Variants in RASGRF2 observed in about 807,000 individuals in gnomAD.
RASGRF2 encodes Ras protein specific guanine nucleotide releasing factor 2.
A neutral mutation model predicts 151.0 loss-of-function variants in RASGRF2; 76 were observed. The observed-to-expected ratio is 0.50, with a 90% CI of 0.42 to 0.61. The LOEUF (loss-of-function observed/expected upper bound fraction) is 0.61. Ranked by LOEUF, RASGRF2 falls within the 20% of genes least tolerant of loss-of-function variation. RASGRF2 has a pLI of 0.00. For missense variants in RASGRF2, 1,148 were observed against 1,564.6 expected (o/e 0.73, Z 4.49); for synonymous variants, 504 against 566.5 (o/e 0.89, Z 1.57).
chr5:80,996,332 A>G (rs1477745527), intron 1 of RASGRF2, among the ~76,000 whole-genome samples: 1 of 151,974 alleles, frequency 6.6e-6, no homozygotes, highest in African/African-American at 2.4e-5. Context: ...TGTGTGTGTG[A>G]TAATTTATAC....
chr5:81,134,012 G>A (rs937830618), intron 17 of RASGRF2, among the ~76,000 whole-genome samples: 1 of 151,298 alleles, frequency 6.6e-6, no homozygotes, highest in Non-Finnish European at 1.5e-5. Context: ...GTACATCGTG[G>A]GATTCAGGAA....
chr5:81,162,703 G>T (rs1021248174), intron 17 of RASGRF2, among the ~76,000 whole-genome samples: 1 of 152,164 alleles, frequency 6.6e-6, no homozygotes, highest in Non-Finnish European at 1.5e-5. Context: ...TCCCTTGTTT[G>T]CCTCTGACAT....
intron 18 of RASGRF2, among the ~76,000 whole-genome samples, chr5:81,197,483 A>AAAAAAAAT (rs1755293269): frequency 6.6e-6 from 1 of 151,106 alleles, no homozygotes; most frequent in African/African-American, 2.4e-5. Flanking sequence ...AAAAAAAAAA[A>AAAAAAAAT]AAAAGTAAAA....
In RASGRF2 at chr5:81,225,828, T is replaced by C; in HGVS notation, c.*58T>C. The C allele has an allele frequency of 2.5e-6, 4 of 1,573,780 alleles. No homozygotes were observed. Among genetic ancestry groups the C allele is most frequent in the Non-Finnish European group, 3.5e-6 (4 of 1,158,118 alleles). On this transcript the variant is annotated 3_prime_UTR_variant, in exon 27 of 27. Coordinates refer to ENST00000265080, the MANE Select transcript of RASGRF2 (RefSeq NM_006909.3). Reference sequence around the variant, plus strand: ...TTCATGGAAAGCAGGACAGACAGAATTGTGTATGCCTTGCCTATCACGGTA... The same window carrying C: ...TTCATGGAAAGCAGGACAGACAGAACTGTGTATGCCTTGCCTATCACGGTA...
At chr5:81,204,216 A>G (rs1463401315) in intron 19 of RASGRF2, 1 of 152,252 alleles carries the variant, frequency 6.6e-6, no homozygotes, top group Admixed American at 6.5e-5. Flanking sequence ...TCGCCAGAAG[A>G]CTAGAAGCAA....
rs928571030 is a variant in RASGRF2 at position 81,123,897 on chromosome 5, A to G, written c.2596+130A>G. 5.7e-6 allele frequency: 7 copies of G among 1,230,508 alleles called. No individual in the cohort carries two copies. The African/African-American group carries it at 1.1e-4, about 19-fold the overall frequency. The allele number at this position is 1,230,508 out of a possible 1,614,324, so 76.2% of individuals were successfully genotyped here. A position where few individuals can be genotyped will look rare whatever the true frequency, so the allele number is the denominator to read the frequency against. ...TCTCACTTATTGAAAATTAATTGGA[A>G]GCAAATACAGTCGGCCCTTTGTATC... On this transcript the variant is annotated intron_variant, in intron 16 of 26. Coordinates refer to ENST00000265080, the MANE Select transcript of RASGRF2 (RefSeq NM_006909.3).
Position 81,123,827 on chromosome 5 carries a change from C to A in RASGRF2, c.2596+60C>A, listed in dbSNP as rs575940861. 2.2e-4 allele frequency: 336 copies of A among 1,524,620 alleles called. 1 individual carries two copies. In the African/African-American group the frequency reaches 4.4e-3, roughly 20 times the overall value. 94.4% of individuals were successfully genotyped at this position (1,524,620 alleles called of 1,614,324 possible). Reference sequence around the variant, plus strand: ...TGAAAAATGATTTCTAGCTTCTGAACCTTTCCTTTGCCTAATTGTTTCACT... The same window carrying A: ...TGAAAAATGATTTCTAGCTTCTGAAACTTTCCTTTGCCTAATTGTTTCACT... On this transcript the variant is annotated intron_variant, in intron 16 of 26. Coordinates refer to ENST00000265080, the MANE Select transcript of RASGRF2 (RefSeq NM_006909.3).
intron 16 of RASGRF2, among the ~76,000 whole-genome samples, chr5:81,126,184 A>G (rs957946801): frequency 6.6e-6 from 1 of 152,232 alleles, no homozygotes; most frequent in Non-Finnish European, 1.5e-5. Flanking sequence ...TGGCACCAGC[A>G]CTGCCAAACG....
At chr5:81,026,002 CCTTT>C (rs1488726536) in intron 1 of RASGRF2, among the ~76,000 whole-genome samples, 2 of 131,948 alleles carry the variant, frequency 1.5e-5, no homozygotes, top group African/African-American at 5.6e-5. Flanking sequence ...TCCCTTCCTT[CCTTT>C]CTTCCTTCCC....
intron 18 of RASGRF2, among the ~76,000 whole-genome samples, chr5:81,197,690 A>G (rs1755298548): frequency 6.6e-6 from 1 of 152,180 alleles, no homozygotes; most frequent in Non-Finnish European, 1.5e-5. Context: ...CCAATCATTT[A>G]AAAGGATTCA....
intron 26 of RASGRF2, among the ~76,000 whole-genome samples, chr5:81,223,755 G>A (rs1373594111): frequency 6.6e-6 from 1 of 151,508 alleles, no homozygotes; most frequent in African/African-American, 2.4e-5. Flanking sequence ...AGATAAAGAA[G>A]GCACTCAAAG....
chr5:81,094,033 T>C (rs1032941568), intron 10 of RASGRF2, among the ~76,000 whole-genome samples: 2 of 152,134 alleles, frequency 1.3e-5, no homozygotes, highest in African/African-American at 4.8e-5. Context: ...TGTGGTACCA[T>C]CTAAGTCTCC....
chr5:81,052,610 C>T (rs533209668), intron 2 of RASGRF2, among the ~76,000 whole-genome samples: 6 of 152,188 alleles, frequency 3.9e-5, no homozygotes, highest in African/African-American at 1.4e-4. Flanking sequence ...AGTGTTAGGA[C>T]CTCATGTTAA....
intron 1 of RASGRF2, among the ~76,000 whole-genome samples, chr5:80,996,471 TTTCTTCTTC>T (rs530555928): frequency 6.0e-4 from 23 of 38,340 alleles, no homozygotes; most frequent in African/African-American, 2.9e-3. Flanking sequence ...ATGTGTAAAG[TTTCTTCTTC>T]TTCTTCTTCT....
At chr5:81,035,490 A>G (rs1750454421) in intron 1 of RASGRF2, among the ~76,000 whole-genome samples, 1 of 152,140 alleles carries the variant, frequency 6.6e-6, no homozygotes, top group South Asian at 2.1e-4. Context: ...GAGGGATAGC[A>G]TTAGGAGATA....
chr5:81,037,842 TTTC>T (rs1307095431), intron 1 of RASGRF2, among the ~76,000 whole-genome samples: 1 of 152,228 alleles, frequency 6.6e-6, no homozygotes, highest in Non-Finnish European at 1.5e-5. Flanking sequence ...CTTGCTATCC[TTTC>T]TCCCCTAAAG....
At chr5:81,047,754 A>G (rs568342370) in intron 2 of RASGRF2, among the ~76,000 whole-genome samples, 1 of 152,348 alleles carries the variant, frequency 6.6e-6, no homozygotes, top group Admixed American at 6.5e-5. Context: ...CCTTTCAATT[A>G]AGCCTTATTC....
chr5:80,998,289 A>G (rs1484048021), intron 1 of RASGRF2, among the ~76,000 whole-genome samples: 1 of 152,176 alleles, frequency 6.6e-6, no homozygotes, highest in Admixed American at 6.5e-5. Context: ...TACTTTCAAC[A>G]GTACCTTTTG....
At chr5:81,106,722 A>T (rs1212767645) in intron 12 of RASGRF2, among the ~76,000 whole-genome samples, 8 of 152,138 alleles carry the variant, frequency 5.3e-5, no homozygotes, top group African/African-American at 1.4e-4. Flanking sequence ...GCACAAGAGG[A>T]TATCCCACTT....
Sources: allele counts gnomAD v4.1 joint callset (sites outside exome capture counted in the v4.1 genomes callset), GRCh38; gene constraint gnomAD v4.1.1; transcripts MANE v1.5; gene names NCBI Gene and HGNC (gene_info 2026-07-23, HGNC 2026-07-21).